Variants in PKP4 observed in about 807,000 individuals in gnomAD.
PKP4 encodes plakophilin 4, also known as plakophilin-4.
Under a neutral mutation model 145.1 loss-of-function variants are expected in PKP4, and 90 were observed. The ratio of observed to expected loss-of-function variants is 0.62; its 90% confidence interval spans 0.52 to 0.74. The LOEUF is 0.74. PKP4 is among the 30% of genes least tolerant of loss of function. PKP4 has a pLI of 0.00. For missense variants in PKP4, 1,340 were observed against 1,482.7 expected (o/e 0.90, Z 1.58); for synonymous variants, 563 against 577.2 (o/e 0.98, Z 0.35).
At position 158,661,441 on chromosome 2, in the gene PKP4, C is replaced by T. The variant is rs143339375; in HGVS notation, c.2202C>T (p.Tyr734=). ...VIHTCVNTSD[Y]DSKTVENCVC... ...ACACGTGTGTGAACACATCCGATTACGACAGCAAGGTCAGTGCCGGCCTGG... is the reference window on the plus strand; with the variant it reads ...ACACGTGTGTGAACACATCCGATTATGACAGCAAGGTCAGTGCCGGCCTGG... Residue 734 remains tyrosine, a synonymous_variant, in exon 13 of 22, where the codon TAC becomes TAT. Transcript: ENST00000389759. 1.3e-5 allele frequency: 21 copies of T among 1,607,294 alleles called. No homozygotes were observed. Among genetic ancestry groups the T allele is most frequent in the South Asian group, 4.4e-5 (4 of 90,854 alleles).
intron 3 of PKP4, among the ~76,000 whole-genome samples, chr2:158,601,044 G>A (rs994071679): frequency 3.9e-5 from 6 of 152,162 alleles, no homozygotes; most frequent in African/African-American, 1.4e-4. Context: ...CTGGTAATTT[G>A]TATAATCTGA....
At chr2:158,566,635 CT>C (rs2047012799) in intron 2 of PKP4, among the ~76,000 whole-genome samples, 1 of 152,068 alleles carries the variant, frequency 6.6e-6, no homozygotes, top group Non-Finnish European at 1.5e-5. Context: ...AAATAACTAC[CT>C]TGTTGGAAAA....
intron 11 of PKP4, among the ~76,000 whole-genome samples, chr2:158,649,779 C>T (rs2055180487): frequency 6.6e-6 from 1 of 152,136 alleles, no homozygotes; most frequent in African/African-American, 2.4e-5. Flanking sequence ...ATAACATGCT[C>T]CCTCAGTTGA....
At chr2:158,572,560 G>A (rs1025581378) in intron 2 of PKP4, among the ~76,000 whole-genome samples, 1 of 152,152 alleles carries the variant, frequency 6.6e-6, no homozygotes, top group African/African-American at 2.4e-5. Flanking sequence ...AGCCTAAGGT[G>A]AGGGTTCAAA....
intron 3 of PKP4, among the ~76,000 whole-genome samples, chr2:158,595,112 A>C (rs1322029928): frequency 6.6e-6 from 1 of 152,202 alleles, no homozygotes; most frequent in Non-Finnish European, 1.5e-5. Flanking sequence ...CTCTAGTGTA[A>C]AGAATTTATT....
At chr2:158,477,748 G>C (rs1031495266) in intron 1 of PKP4, among the ~76,000 whole-genome samples, 4 of 152,158 alleles carry the variant, frequency 2.6e-5, no homozygotes, top group African/African-American at 9.7e-5. Context: ...GGGAGGCTGA[G>C]GCAGGAATAT....
chr2:158,584,009 A>G (rs2048569342), intron 3 of PKP4, among the ~76,000 whole-genome samples: 1 of 152,190 alleles, frequency 6.6e-6, no homozygotes, highest in Non-Finnish European at 1.5e-5. Flanking sequence ...CAAGCGTTAC[A>G]TGACGGGTAA....
In PKP4 at chr2:158,621,235, A is replaced by G; in HGVS notation, c.417A>G (p.Ser139=). The change falls in exon 6 of 22, where the codon TCA becomes TCG. Residue 139 remains serine, a synonymous_variant. Coordinates refer to ENST00000389759, the MANE Select transcript of PKP4 (RefSeq NM_003628.6). ...TTCTTGGTTTCATTCTTACAGGATC[A>G]TTGGGTAACTCAAGAAGTTCAACAC... ...EQTSLHESEG[S]LGNSRSSTQM... is the part of the protein sequence containing the mutation. 1 of 1,614,170 alleles carries G rather than the reference A, an allele frequency of 6.2e-7. No individual in the cohort carries two copies. Among genetic ancestry groups the G allele is most frequent in the Non-Finnish European group, 8.5e-7 (1 of 1,179,982 alleles).
At chr2:158,584,565 T>TA (rs2048634654) in intron 3 of PKP4, among the ~76,000 whole-genome samples, 1 of 152,238 alleles carries the variant, frequency 6.6e-6, no homozygotes, top group Admixed American at 6.5e-5. Context: ...CTCATGCCTT[T>TA]AGTCCTAGCA....
intron 1 of PKP4, 178 bp downstream of exon 1, chr2:158,457,396 T>A (rs1688936207): frequency 6.6e-6 from 1 of 152,124 alleles, no homozygotes; most frequent in Non-Finnish European, 1.5e-5. Context: ...CTCGTGTTCC[T>A]GCCCGCACTC....
intron 1 of PKP4, among the ~76,000 whole-genome samples, chr2:158,481,661 T>C (rs1245895430): frequency 6.6e-6 from 1 of 152,244 alleles, no homozygotes; most frequent in Non-Finnish European, 1.5e-5. Flanking sequence ...TATCTTTTCA[T>C]GTGCTTCTTG....
chr2:158,479,604 A>G (rs567693400), intron 1 of PKP4, among the ~76,000 whole-genome samples: 4 of 152,270 alleles, frequency 2.6e-5, no homozygotes, highest in Admixed American at 1.3e-4. Flanking sequence ...TTAAGCTTCT[A>G]TAGGCAGACT....
At chr2:158,525,697 T>C (rs1237885639) in intron 1 of PKP4, among the ~76,000 whole-genome samples, 2 of 142,944 alleles carry the variant, frequency 1.4e-5, no homozygotes, top group Non-Finnish European at 3.0e-5. Flanking sequence ...ATCCAGGAGC[T>C]GGTTTTTTGA....
chr2:158,680,775 G>A lies in PKP4; in HGVS notation c.*98G>A. ...GATTTGATGATTGAAATGTGAAAGT[G>A]AAGTGGAAGGAATGAATGAAGTGTG... On this transcript the variant is annotated 3_prime_UTR_variant, in exon 22 of 22. Coordinates refer to ENST00000389759, the MANE Select transcript of PKP4 (RefSeq NM_003628.6). 9.4e-7 allele frequency: 1 copy of A among 1,063,956 alleles called. No homozygotes were observed. Among genetic ancestry groups the A allele is most frequent in the Admixed American group, 2.5e-5 (1 of 39,798 alleles). 65.9% of individuals were successfully genotyped at this position (1,063,956 alleles called of 1,614,324 possible). A position where few individuals can be genotyped will look rare whatever the true frequency, so the allele number is the denominator to read the frequency against.
chr2:158,678,445 C>T, intron 20 of PKP4, 136 bp from the exon 21 acceptor site: 2 of 684,236 alleles, frequency 2.9e-6, no homozygotes, highest in Admixed American at 2.2e-5. Flanking sequence ...GCTGCTACCT[C>T]TCCCAGCCCG....
chr2:158,629,502 G>A (rs1013265635), intron 7 of PKP4, among the ~76,000 whole-genome samples: 6 of 152,100 alleles, frequency 3.9e-5, no homozygotes, highest in Non-Finnish European at 8.8e-5. Flanking sequence ...ATAGCAAGAG[G>A]GGAGCCAGTA....
chr2:158,672,868 C>G (rs936846515), intron 17 of PKP4, among the ~76,000 whole-genome samples: 4 of 152,130 alleles, frequency 2.6e-5, no homozygotes, highest in African/African-American at 7.2e-5. Context: ...GAAGAGAAAA[C>G]CAGATTTTAG....
At chr2:158,486,983 T>C (rs958837455) in intron 1 of PKP4, among the ~76,000 whole-genome samples, 5 of 149,714 alleles carry the variant, frequency 3.3e-5, no homozygotes, top group African/African-American at 1.2e-4. Context: ...CAAAGGAGAC[T>C]ATCTTCCATG....
intron 2 of PKP4, among the ~76,000 whole-genome samples, chr2:158,540,598 C>T (rs1447150535): frequency 6.6e-6 from 1 of 152,120 alleles, no homozygotes; most frequent in Non-Finnish European, 1.5e-5. Context: ...GTAATTGACA[C>T]ATTATGAATA....
Sources: gnomAD v4.1 joint callset for allele counts (sites outside exome capture counted in the v4.1 genomes callset) on GRCh38, gnomAD v4.1.1 for gene constraint, MANE v1.5 for transcripts, NCBI Gene and HGNC (gene_info 2026-07-23, HGNC 2026-07-21) for gene names.